The following SF3B2 variants were observed in gnomAD, a reference collection of about 807,000 sequenced individuals.
The protein encoded by SF3B2 is SAP 145.
SF3B2 carries 22 observed loss-of-function variants against 116.3 expected under a neutral mutation model. That is an observed-to-expected ratio of 0.19 (90% CI 0.14 to 0.27). The LOEUF is 0.27. Among genes scored for constraint, SF3B2 ranks in the 10% least tolerant of loss-of-function variants. The pLI is 1.00. For missense variants in SF3B2, 767 were observed against 1,151.4 expected, an observed-to-expected ratio of 0.67 and a Z score of 4.83; for synonymous variants, 406 against 421.6, an observed-to-expected ratio of 0.96 and a Z score of 0.45.
At chr11:66,056,536 G>C (rs1359995948) in intron 5 of SF3B2, among the ~76,000 whole-genome samples, 2 of 152,022 alleles carry the variant, frequency 1.3e-5, no homozygotes, top group African/African-American at 4.8e-5. Flanking sequence ...TTAATCTTTT[G>C]GGGAAGAAAA....
chr11:66,054,384 C>T lies in SF3B2; in HGVS notation c.259-692C>T, dbSNP rs151008917. 3.4e-3 allele frequency among the ~76,000 whole-genome samples: 510 copies of T among 149,816 alleles called. 10 individuals are homozygous for T. The highest frequency in any genetic ancestry group is 0.027 in the Admixed American group (412 of 14,992). Reference sequence around the variant, plus strand: ...CCCAGCTACTTGGGAGGCTGAGGCACGAGAATTGCTTGAACCTGGAAAGCG... The same window carrying T: ...CCCAGCTACTTGGGAGGCTGAGGCATGAGAATTGCTTGAACCTGGAAAGCG... On this transcript the variant is annotated intron_variant, in intron 3 of 21. Transcript: ENST00000322535.
intron 2 of SF3B2, 126 bp from the exon 3 acceptor site, chr11:66,052,901 C>T (rs1265780730): frequency 1.6e-6 from 2 of 1,248,878 alleles, no homozygotes; most frequent in Non-Finnish European, 1.2e-6. Flanking sequence ...TCTTGGTCCT[C>T]TTCAGTGCCC....
At chr11:66,052,858 C>T (rs1462182294) in intron 2 of SF3B2, 139 bp downstream of exon 2, 4 of 1,246,016 alleles carry the variant, frequency 3.2e-6, no homozygotes, top group Admixed American at 2.2e-5. Context: ...TTGTTCTTGC[C>T]TTTGCCAGCT....
chr11:66,061,235 C>G (rs1479908571), intron 14 of SF3B2, among the ~76,000 whole-genome samples: 5 of 152,170 alleles, frequency 3.3e-5, no homozygotes, highest in Non-Finnish European at 7.3e-5. Context: ...CCCTGATAGA[C>G]TCTTCGTATC....
chr11:66,067,513 C>T (rs767350179), intron 19 of SF3B2: 2 of 456,554 alleles, frequency 4.4e-6, no homozygotes, highest in South Asian at 3.1e-5. Flanking sequence ...GTGAAACTGG[C>T]TGTGGATGGC....
intron 19 of SF3B2, 195 bp from the exon 20 acceptor site, chr11:66,067,751 T>C (rs1857212963): frequency 5.2e-6 from 3 of 574,518 alleles, no homozygotes; most frequent in Non-Finnish European, 9.3e-6. Context: ...CCATCTGTGT[T>C]CCCTGGAGTC....
chr11:66,060,121 G>C, intron 13 of SF3B2, 112 bp downstream of exon 13: 1 of 939,660 alleles, frequency 1.1e-6, no homozygotes. Flanking sequence ...CTTGTTACTT[G>C]TCTAATTATC....
intron 14 of SF3B2, 124 bp from the exon 15 acceptor site, chr11:66,061,562 A>G: frequency 2.7e-6 from 2 of 738,972 alleles, no homozygotes; most frequent in Non-Finnish European, 4.8e-6. Flanking sequence ...CAGGGAAAGA[A>G]GTGATGAGAA....
intron 7 of SF3B2, 102 bp downstream of exon 7, chr11:66,057,477 TA>T (rs1857022328): frequency 1.5e-6 from 1 of 686,122 alleles, no homozygotes; most frequent in African/African-American, 1.8e-5. Context: ...TGGGGGGACT[TA>T]AATTCCTGGG....
chr11:66,058,347 C>G lies in SF3B2; in HGVS notation c.908C>G (p.Ser303Cys), dbSNP rs751295477. 2 of 1,614,086 alleles carry G rather than the reference C, an allele frequency of 1.2e-6. No individual in the cohort carries two copies. The highest frequency in any genetic ancestry group is 3.3e-5 in the Admixed American group (2 of 60,012). Residue 303 changes from serine (S) to cysteine (C), a missense_variant, in exon 9 of 22, where the codon TCC becomes TGC. Physicochemically the swap from Ser to Cys is moderately radical, Grantham distance 112. Coordinates refer to ENST00000322535, the MANE Select transcript of SF3B2 (RefSeq NM_006842.3). ...GAAATGGAAACAGATGCTCGCTCGT[C>G]CCTGGGCCAGTCAGCGTCAGAGACT... is the stretch of plus-strand genomic sequence containing the variant. ...EEEMETDARSSLGQSASETEE... is the reference protein window; with the variant it reads ...EEEMETDARSCLGQSASETEE...
chr11:66,063,188 A>G, intron 17 of SF3B2, 72 bp downstream of exon 17: 1 of 1,219,846 alleles, frequency 8.2e-7, no homozygotes, highest in South Asian at 1.3e-5. Flanking sequence ...TTATAGCTTC[A>G]TTATCAGGGA....
intron 14 of SF3B2, among the ~76,000 whole-genome samples, chr11:66,061,243 A>T (rs1857096326): frequency 6.6e-6 from 1 of 152,154 alleles, no homozygotes; most frequent in Non-Finnish European, 1.5e-5. Flanking sequence ...GACTCTTCGT[A>T]TCCTGTCTTA....
chr11:66,057,176 G>T, intron 6 of SF3B2, 90 bp from the exon 7 acceptor site: 1 of 954,002 alleles, frequency 1.0e-6, no homozygotes, highest in Non-Finnish European at 1.7e-6. Context: ...TCCCCTGCAG[G>T]TTTACCATCA....
In SF3B2 at chr11:66,062,016, G is replaced by A. The variant is rs371568336; in HGVS notation, c.1977+18G>A. ...TCCCTGAGGTGAGCATTGTCCTTTC[G>A]TTCATTCTTGGCCATTTCTGCTTTT... On this transcript the variant is annotated intron_variant, in intron 16 of 21. Transcript: ENST00000322535. 44 of 1,579,536 alleles carry A rather than the reference G, an allele frequency of 2.8e-5. 1 individual carries two copies. In the Middle Eastern group the frequency reaches 1.0e-3, roughly 36 times the overall value.
intron 7 of SF3B2, 126 bp downstream of exon 7, chr11:66,057,501 C>A: frequency 1.6e-6 from 1 of 639,998 alleles, no homozygotes; most frequent in South Asian, 1.9e-5. Flanking sequence ...TAGTGGGGAG[C>A]CCTTCTTATT....
chr11:66,052,552 G>A (rs1324844533), intron 1 of SF3B2, 35 bp downstream of exon 1: 1 of 1,600,958 alleles, frequency 6.2e-7, no homozygotes, highest in Non-Finnish European at 8.5e-7. Context: ...GCCTTTACGG[G>A]CCTGCGGAGA....
At chr11:66,060,182 C>A (rs1857077214) in intron 13 of SF3B2, among the ~76,000 whole-genome samples, 173 bp downstream of exon 13, 1 of 152,234 alleles carries the variant, frequency 6.6e-6, no homozygotes, top group Admixed American at 6.5e-5. Flanking sequence ...ACTTTGCCAG[C>A]TCACCTGGTG....
Position 66,055,556 on chromosome 11 carries a change from G to A in SF3B2, c.520G>A (p.Glu174Lys). The A allele has an allele frequency of 6.2e-7, 1 of 1,614,194 alleles. No individual in the cohort carries two copies. Among genetic ancestry groups the A allele is most frequent in the Non-Finnish European group, 8.5e-7 (1 of 1,180,036 alleles). ...TAAGCAGGGAGATCATTCGCTGAAG[G>A]AACATGAGCTCTTGGAGCAGCAGAA... ...AKQQGDHSLKEHELLEQQKRA... is the reference protein window; with the variant it reads ...AKQQGDHSLKKHELLEQQKRA... The change falls in exon 5 of 22, where the codon GAA (glutamate) becomes AAA (lysine). Residue 174 changes from glutamate to lysine, a missense_variant. This residue lies in a region of SF3B2 where 455 missense variants were observed against 537.5 expected (regional missense o/e 0.85). Coordinates refer to ENST00000322535, the MANE Select transcript of SF3B2 (RefSeq NM_006842.3).
At position 66,055,813 on chromosome 11, in the gene SF3B2, T is replaced by C. The variant is rs899730294; in HGVS notation, c.549+228T>C. 1.8e-4 allele frequency: 91 copies of C among 514,008 alleles called. No individual in the cohort carries two copies. In the East Asian group the frequency reaches 2.8e-3, roughly 16 times the overall value. 31.8% of individuals were successfully genotyped at this position (514,008 alleles called of 1,614,324 possible). On this transcript the variant is annotated intron_variant, in intron 5 of 21. Transcript: ENST00000322535. ...AGCTAAAAATAACTTTAAAATTTTT[T>C]AAGGGTTATAAGAAAACCCAAACCA...
Sources: gnomAD v4.1 joint callset for allele counts (sites outside exome capture counted in the v4.1 genomes callset) on GRCh38, gnomAD v4.1.1 for gene constraint, gnomAD v4.1.1 regional missense constraint, MANE v1.5 for transcripts, NCBI Gene and HGNC (gene_info 2026-07-23, HGNC 2026-07-21) for gene names.